Variants in ERBB4 observed in about 807,000 individuals in gnomAD.
ERBB4 encodes receptor tyrosine-protein kinase erbB-4.
ERBB4 carries 42 observed loss-of-function variants against 158.0 expected under a neutral mutation model. The observed-to-expected ratio is 0.27, with a 90% confidence interval of 0.21 to 0.34. The LOEUF is 0.34. Among genes scored for constraint, ERBB4 ranks in the 10% least tolerant of loss-of-function variants. The pLI is 1.00. For missense variants in ERBB4, 1,333 were observed against 1,624.1 expected, an observed-to-expected ratio of 0.82 and a Z score of 3.08; for synonymous variants, 583 against 558.7, an observed-to-expected ratio of 1.04 and a Z score of -0.61.
chr2:212,361,089 C>T (rs1467468284), intron 1 of ERBB4, among the ~76,000 whole-genome samples: 2 of 150,938 alleles, frequency 1.3e-5, no homozygotes, highest in African/African-American at 2.4e-5. Flanking sequence ...AATGTGTAGT[C>T]TCAGTATTAT....
chr2:212,291,089 T>C (rs2106180089), intron 1 of ERBB4, among the ~76,000 whole-genome samples: 1 of 152,224 alleles, frequency 6.6e-6, no homozygotes, highest in African/African-American at 2.4e-5. Context: ...AGTAGGGAAC[T>C]TACTATGGGA....
intron 20 of ERBB4, among the ~76,000 whole-genome samples, chr2:211,559,404 G>C (rs1473465499): frequency 6.6e-6 from 1 of 152,122 alleles, no homozygotes. Flanking sequence ...AATTTTTCTT[G>C]CTATACTGGG....
chr2:212,468,212 C>T (rs1003641870), intron 1 of ERBB4, among the ~76,000 whole-genome samples: 3 of 152,022 alleles, frequency 2.0e-5, no homozygotes, highest in African/African-American at 7.2e-5. Flanking sequence ...AAGGCTGAAA[C>T]GAGTTAAGGC....
rs561260550 is a variant in ERBB4, at chr2:212,081,605, A to T, written c.234+43147T>A. 4.6e-5 allele frequency among the ~76,000 whole-genome samples: 7 copies of T among 152,270 alleles called. No individual in the cohort carries two copies. The South Asian group carries it at 1.4e-3, about 32-fold the overall frequency. On this transcript the variant is annotated intron_variant, in intron 2 of 27. Transcript: ENST00000342788. ...CTAAATACATTTACTGATTAAAAAG[A>T]TGCAAGTGCTTATGAATAGGTTCTT...
chr2:212,336,736 T>G (rs2088459289), intron 1 of ERBB4, among the ~76,000 whole-genome samples: 1 of 152,078 alleles, frequency 6.6e-6, no homozygotes, highest in South Asian at 2.1e-4. Flanking sequence ...AATAACAACA[T>G]TTTAGTGGAC....
intron 12 of ERBB4, among the ~76,000 whole-genome samples, chr2:211,683,823 T>G (rs1361199602): frequency 6.6e-6 from 1 of 152,066 alleles, no homozygotes; most frequent in African/African-American, 2.4e-5. Flanking sequence ...ATGTATTCAT[T>G]ATTACATTTC....
intron 20 of ERBB4, among the ~76,000 whole-genome samples, chr2:211,504,057 G>T (rs944934688): frequency 6.6e-6 from 1 of 152,114 alleles, no homozygotes; most frequent in Non-Finnish European, 1.5e-5. Context: ...TGGCTGGGAG[G>T]TCAAACTGCA....
intron 1 of ERBB4, among the ~76,000 whole-genome samples, chr2:212,236,861 T>C (rs1189004310): frequency 6.6e-6 from 1 of 152,206 alleles, no homozygotes; most frequent in Non-Finnish European, 1.5e-5. Flanking sequence ...CTCTCTTTTC[T>C]TCTTTATTAG....
intron 1 of ERBB4, among the ~76,000 whole-genome samples, chr2:212,380,890 C>A (rs146975714): frequency 1.3e-5 from 2 of 151,178 alleles, no homozygotes; most frequent in East Asian, 3.9e-4. Flanking sequence ...TAAAGAAAGG[C>A]CCATTATTTA....
chr2:212,450,191 G>A (rs984547417), intron 1 of ERBB4, among the ~76,000 whole-genome samples: 2 of 152,122 alleles, frequency 1.3e-5, no homozygotes, highest in Non-Finnish European at 2.9e-5. Flanking sequence ...AGAATGGGGA[G>A]AAAAAGTATG....
At chr2:211,836,717 G>C (rs2077351237) in intron 3 of ERBB4, among the ~76,000 whole-genome samples, 1 of 152,006 alleles carries the variant, frequency 6.6e-6, no homozygotes, top group Non-Finnish European at 1.5e-5. Flanking sequence ...TCTATGAATA[G>C]CAGTTTCAGG....
chr2:211,380,789 G>GAA lies in ERBB4; in HGVS notation c.*2824_*2825dup. On this transcript the variant is annotated 3_prime_UTR_variant, in exon 28 of 28. Coordinates refer to ENST00000342788, the MANE Select transcript of ERBB4 (RefSeq NM_005235.3). ...ATCTCTAGGTATTACCCAACATGTA[G>GAA]AAGTCTTGTGTTCTTAGGAGGAAAG... 4.3e-6 allele frequency: 1 copy of GAA among 231,878 alleles called. No homozygotes were observed. Among genetic ancestry groups the GAA allele is most frequent in the Non-Finnish European group, 8.5e-6 (1 of 117,214 alleles). 14.4% of individuals were successfully genotyped at this position (231,878 alleles called of 1,614,324 possible). A position where few individuals can be genotyped will look rare whatever the true frequency, so the allele number is the denominator to read the frequency against.
At chr2:211,566,976 G>A (rs1433457594) in intron 19 of ERBB4, among the ~76,000 whole-genome samples, 2 of 152,172 alleles carry the variant, frequency 1.3e-5, no homozygotes, top group African/African-American at 4.8e-5. Context: ...AAGGAACTTA[G>A]GAAATATAAA....
chr2:211,561,597 C>G (rs935468854), intron 20 of ERBB4, among the ~76,000 whole-genome samples: 1 of 152,182 alleles, frequency 6.6e-6, no homozygotes. Flanking sequence ...GTTAACTAGA[C>G]TATACCGAAA....
At chr2:212,066,193 C>A in intron 2 of ERBB4, among the ~76,000 whole-genome samples, 2 of 151,928 alleles carry the variant, frequency 1.3e-5, no homozygotes, top group East Asian at 3.9e-4. Context: ...AGTCCTCTGG[C>A]TGGCTCTAAC....
intron 2 of ERBB4, among the ~76,000 whole-genome samples, chr2:212,084,709 CAT>C (rs2078549702): frequency 2.0e-5 from 3 of 151,870 alleles, no homozygotes; most frequent in African/African-American, 7.2e-5. Flanking sequence ...TCATCTGAAA[CAT>C]AGAGAAAATA....
At chr2:211,747,723 T>G (rs553325064) in intron 5 of ERBB4, among the ~76,000 whole-genome samples, 2 of 150,100 alleles carry the variant, frequency 1.3e-5, no homozygotes, top group Non-Finnish European at 3.0e-5. Context: ...ACATACAACT[T>G]TTTTTTTTGC....
At chr2:211,459,993 G>T (rs972905420) in intron 20 of ERBB4, among the ~76,000 whole-genome samples, 1 of 152,036 alleles carries the variant, frequency 6.6e-6, no homozygotes, top group African/African-American at 2.4e-5. Flanking sequence ...GGGCCATAGT[G>T]AGAGGCTAAA....
At chr2:211,839,956 C>T (rs950760848) in intron 3 of ERBB4, among the ~76,000 whole-genome samples, 2 of 152,044 alleles carry the variant, frequency 1.3e-5, no homozygotes, top group African/African-American at 4.8e-5. Flanking sequence ...ACTGACACTG[C>T]CCTTACTTAG....
Sources: allele counts gnomAD v4.1 joint callset (sites outside exome capture counted in the v4.1 genomes callset), GRCh38; gene constraint gnomAD v4.1.1; transcripts MANE v1.5; gene names NCBI Gene and HGNC (gene_info 2026-07-23, HGNC 2026-07-21).